Variants in ZFHX3 observed in about 807,000 individuals in gnomAD.
ZFHX3 encodes zinc finger homeobox 3.
ZFHX3 carries 42 observed loss-of-function variants against 279.1 expected under a neutral mutation model. The observed-to-expected ratio is 0.15, with a 90% confidence interval of 0.12 to 0.19. ZFHX3 has a LOEUF of 0.19. Among genes scored for constraint, ZFHX3 ranks in the 10% least tolerant of loss-of-function variants. The pLI is 1.00. For missense variants in ZFHX3, 4,981 were observed against 4,754.0 expected (o/e 1.05, Z -1.40); for synonymous variants, 2,293 against 1,957.8 (o/e 1.17, Z -4.52).
chr16:73,683,050 T>C (rs1022383965), intron 1 of ZFHX3, among the ~76,000 whole-genome samples: 4 of 151,540 alleles, frequency 2.6e-5, no homozygotes, highest in East Asian at 3.9e-4. Context: ...GAAATAACAA[T>C]TGCATGATTT....
chr16:72,797,444 G>T lies in ZFHX3; in HGVS notation c.5238C>A (p.Ala1746=). ...GAGCTTGAACTTGAGCCTGGGCCTG[G>T]GCCAGCGTTTGTGCTTGTTGTTGTT... ...QQQQQQAQTL[A]QAQAQVQAHL... is the part of the protein sequence containing the mutation. The change falls in exon 9 of 10, where the codon GCC becomes GCA. Residue 1746 remains alanine (A), a synonymous_variant. Coordinates refer to ENST00000268489, the MANE Select transcript of ZFHX3 (RefSeq NM_006885.4). 6.2e-7 allele frequency: 1 copy of T among 1,613,558 alleles called. No homozygotes were observed. The highest frequency in any genetic ancestry group is 8.5e-7 in the Non-Finnish European group (1 of 1,179,810).
chr16:73,144,647 C>G (rs1180240508), intron 5 of ZFHX3, among the ~76,000 whole-genome samples: 1 of 152,152 alleles, frequency 6.6e-6, no homozygotes, highest in African/African-American at 2.4e-5. Flanking sequence ...TCCACGTATT[C>G]AGACCCCTGA....
chr16:73,397,111 G>T (rs773854631), intron 3 of ZFHX3, among the ~76,000 whole-genome samples: 9 of 152,172 alleles, frequency 5.9e-5, no homozygotes, highest in Non-Finnish European at 1.3e-4. Flanking sequence ...CATAGCCTTT[G>T]TTACTTACAT....
At chr16:72,997,890 G>T (rs1413738108) in intron 1 of ZFHX3, among the ~76,000 whole-genome samples, 1 of 151,984 alleles carries the variant, frequency 6.6e-6, no homozygotes, top group Non-Finnish European at 1.5e-5. Context: ...AGACCAGCCT[G>T]GGCAACACAG....
chr16:73,876,764 AACC>A (rs1386410044), intron 1 of ZFHX3, among the ~76,000 whole-genome samples: 1 of 152,154 alleles, frequency 6.6e-6, no homozygotes, highest in African/African-American at 2.4e-5. Context: ...TACTTTTCTT[AACC>A]ATGTAAAACA....
intron 2 of ZFHX3, among the ~76,000 whole-genome samples, chr16:73,633,282 C>T (rs2052494757): frequency 6.6e-6 from 1 of 152,166 alleles, no homozygotes; most frequent in Non-Finnish European, 1.5e-5. Flanking sequence ...AGATAATTCA[C>T]ATCAAAGAAA....
At chr16:73,079,487 C>CA (rs1250848874) in intron 8 of ZFHX3, among the ~76,000 whole-genome samples, 1 of 151,084 alleles carries the variant, frequency 6.6e-6, no homozygotes, top group African/African-American at 2.4e-5. Flanking sequence ...ACTCTGTCTC[C>CA]AAAAAAAACC....
chr16:73,233,355 C>A (rs982297962), intron 5 of ZFHX3, among the ~76,000 whole-genome samples: 4 of 152,108 alleles, frequency 2.6e-5, no homozygotes, highest in African/African-American at 9.7e-5. Flanking sequence ...CAGAACAGAT[C>A]AAACCAAAAC....
intron 1 of ZFHX3, among the ~76,000 whole-genome samples, chr16:73,721,599 C>T (rs867232884): frequency 2.8e-4 from 42 of 152,290 alleles, no homozygotes; most frequent in Middle Eastern, 3.4e-3. Context: ...GCATGCCCAC[C>T]CATGCACCAT....
At chr16:73,092,098 A>C (rs1966091161) in intron 8 of ZFHX3, among the ~76,000 whole-genome samples, 2 of 152,240 alleles carry the variant, frequency 1.3e-5, no homozygotes, top group African/African-American at 4.8e-5. Flanking sequence ...TGAATTAAGG[A>C]CACTAATGCC....
At chr16:73,836,266 G>T (rs1209889218) in intron 1 of ZFHX3, among the ~76,000 whole-genome samples, 2 of 152,120 alleles carry the variant, frequency 1.3e-5, no homozygotes, top group Non-Finnish European at 2.9e-5. Flanking sequence ...GTGTTTGTCT[G>T]CAAAGTCCAC....
chr16:73,211,156 G>T (rs1026173436), intron 5 of ZFHX3, among the ~76,000 whole-genome samples: 1 of 152,120 alleles, frequency 6.6e-6, no homozygotes, highest in Non-Finnish European at 1.5e-5. Flanking sequence ...GCCACAAATG[G>T]TTGGTTGATG....
At chr16:73,266,024 G>C (rs1012206651) in intron 4 of ZFHX3, among the ~76,000 whole-genome samples, 1 of 152,186 alleles carries the variant, frequency 6.6e-6, no homozygotes, top group Admixed American at 6.5e-5. Context: ...ACAGCAATGG[G>C]GAAGTCCGTT....
chr16:73,289,051 A>C (rs2014704099), intron 4 of ZFHX3, among the ~76,000 whole-genome samples: 1 of 150,086 alleles, frequency 6.7e-6, no homozygotes, highest in Admixed American at 6.7e-5. Context: ...CAAAGTACTG[A>C]ATCAACCCTA....
At chr16:73,795,614 C>T (rs201904056) in intron 1 of ZFHX3, among the ~76,000 whole-genome samples, 9 of 152,146 alleles carry the variant, frequency 5.9e-5, no homozygotes, top group East Asian at 1.9e-4. Flanking sequence ...AAGAGCAGTA[C>T]GACATGACAG....
chr16:72,804,201 A>G (rs972274400), intron 7 of ZFHX3, among the ~76,000 whole-genome samples: 6 of 152,346 alleles, frequency 3.9e-5, no homozygotes, highest in African/African-American at 1.4e-4. Context: ...AGCACTTCCA[A>G]AATAACACAG....
At chr16:73,589,133 G>A (rs923384459) in intron 2 of ZFHX3, among the ~76,000 whole-genome samples, 3 of 151,288 alleles carry the variant, frequency 2.0e-5, no homozygotes, top group Non-Finnish European at 2.9e-5. Flanking sequence ...GGTGATGCAC[G>A]CCTGTAATCC....
rs147291261 is a variant in ZFHX3, at chr16:73,607,450, T to C, written c.-1547+72730A>G. Among the ~76,000 whole-genome samples the C allele has an allele frequency of 3.7e-3, 568 of 152,332 alleles. 8 individuals carry two copies. Among genetic ancestry groups the C allele is most frequent in the African/African-American group, 0.013 (541 of 41,582 alleles). On this transcript the variant is annotated intron_variant, in intron 2 of 17. Coordinates refer to the ZFHX3 transcript ENST00000641206. Reference sequence around the variant, plus strand: ...AATATAAATCATTCTATTATAAAGATACCTGCACGCGTATGTTCATTGCAG... The same window carrying C: ...AATATAAATCATTCTATTATAAAGACACCTGCACGCGTATGTTCATTGCAG...
At chr16:73,612,731 AT>A in intron 2 of ZFHX3, among the ~76,000 whole-genome samples, 1 of 152,336 alleles carries the variant, frequency 6.6e-6, no homozygotes, top group East Asian at 1.9e-4. Flanking sequence ...GTGATGAGGG[AT>A]TTTCAAACTA....
Sources: gnomAD v4.1 joint callset for allele counts (sites outside exome capture counted in the v4.1 genomes callset) on GRCh38, gnomAD v4.1.1 for gene constraint, MANE v1.5 for transcripts, NCBI Gene and HGNC (gene_info 2026-07-23, HGNC 2026-07-21) for gene names.